The following ANXA13 variants were observed in gnomAD, a reference collection of about 807,000 sequenced individuals.
ANXA13 encodes the protein annexin A13, also known as annexin XIII.
A neutral mutation model predicts 46.6 loss-of-function variants in ANXA13; 36 were observed. That is an observed-to-expected ratio of 0.77 (90% CI 0.59 to 1.02). The LOEUF (loss-of-function observed/expected upper bound fraction) is 1.02, where lower values mean the gene tolerates loss of function less well. Ranked by LOEUF, ANXA13 falls within the 50% of genes least tolerant of loss-of-function variation. The pLI, the probability that ANXA13 is intolerant of heterozygous loss-of-function variation, is 0.00. For synonymous variants in ANXA13, 163 were observed against 152.9 expected, an observed-to-expected ratio of 1.07 and a Z score of -0.49; for missense variants, 417 against 396.5, an observed-to-expected ratio of 1.05 and a Z score of -0.44.
intron 1 of ANXA13, among the ~76,000 whole-genome samples, chr8:123,720,474 G>GT (rs1032875497): frequency 3.0e-4 from 45 of 150,800 alleles, no homozygotes; most frequent in African/African-American, 2.4e-4. Flanking sequence ...GCCTTGTATA[G>GT]TTTTTTTTTC....
intron 1 of ANXA13, among the ~76,000 whole-genome samples, chr8:123,721,440 C>T (rs565997394): frequency 6.6e-6 from 1 of 152,100 alleles, no homozygotes; most frequent in East Asian, 1.9e-4. Flanking sequence ...GTACCCACCT[C>T]GTATGGGTTG....
intron 2 of ANXA13, among the ~76,000 whole-genome samples, chr8:123,707,939 C>G (rs774662351): frequency 6.6e-6 from 1 of 152,082 alleles, no homozygotes; most frequent in African/African-American, 2.4e-5. Context: ...AGTCCTGAGA[C>G]GGCCCAGCAA....
intron 1 of ANXA13, among the ~76,000 whole-genome samples, chr8:123,723,382 G>A (rs150483060): frequency 6.6e-6 from 1 of 152,244 alleles, no homozygotes; most frequent in African/African-American, 2.4e-5. Context: ...GGGAAGAATC[G>A]AATTCTTCCA....
Position 123,712,677 on chromosome 8 carries a change from C to T in ANXA13, c.91+1G>A. The T allele has an allele frequency of 6.2e-7, 1 of 1,613,944 alleles. No homozygotes were observed. Among genetic ancestry groups the T allele is most frequent in the Non-Finnish European group, 8.5e-7 (1 of 1,179,774 alleles). ...AATTAGCAACAAAATATCTCTCATACCCATTCCTTTGCAGGCTTTGTTCAG... is the reference window on the plus strand; with the variant it reads ...AATTAGCAACAAAATATCTCTCATATCCATTCCTTTGCAGGCTTTGTTCAG... On this transcript the variant is annotated splice_donor_variant, in intron 2 of 10. Transcript: ENST00000419625. LOFTEE classifies it high-confidence loss of function.
At chr8:123,697,120 G>T (rs1813354625) in intron 4 of ANXA13, among the ~76,000 whole-genome samples, 2 of 152,164 alleles carry the variant, frequency 1.3e-5, no homozygotes, top group African/African-American at 4.8e-5. Flanking sequence ...ATGTTAGCCA[G>T]GCTGGTCTCA....
chr8:123,682,637 G>A lies in ANXA13; in HGVS notation c.832-1278C>T, dbSNP rs571102557. Among the ~76,000 whole-genome samples the A allele has an allele frequency of 2.6e-3, 394 of 152,282 alleles. 8 individuals are homozygous for A. Among genetic ancestry groups the A allele is most frequent in the South Asian group, 0.02 (94 of 4,820 alleles). On this transcript the variant is annotated intron_variant, in intron 10 of 10. Coordinates refer to ENST00000419625, the MANE Select transcript of ANXA13 (RefSeq NM_004306.4). ...CAGGTGGCAGACACTACAGGAGACA[G>A]GTGGTGTCTGTCTCTCCCCCAGCCT...
intron 1 of ANXA13, among the ~76,000 whole-genome samples, chr8:123,734,356 C>A (rs1814201236): frequency 6.6e-6 from 1 of 152,124 alleles, no homozygotes; most frequent in Admixed American, 6.5e-5. Context: ...CTGATCTGAT[C>A]TTTCTCTCTG....
rs545114189 is a variant in ANXA13, at chr8:123,689,878, C to T, written c.643-932G>A. ...AATAATTGGGGACTTTGAGTATGCA[C>T]CAGTGGAGTTTATGTGGTTTATTTT... On this transcript the variant is annotated intron_variant, in intron 8 of 10. Transcript: ENST00000419625. Among the ~76,000 whole-genome samples, 5 of 152,232 alleles carry T rather than the reference C, an allele frequency of 3.3e-5. No homozygotes were observed. In the South Asian group the frequency reaches 6.2e-4, roughly 19 times the overall value.
chr8:123,715,921 G>T (rs144157303), intron 1 of ANXA13, among the ~76,000 whole-genome samples: 1 of 152,250 alleles, frequency 6.6e-6, no homozygotes, highest in Non-Finnish European at 1.5e-5. Flanking sequence ...GGAGCTGAGG[G>T]GTGAGACAAA....
chr8:123,691,571 T>C (rs1423788217), intron 8 of ANXA13, among the ~76,000 whole-genome samples: 1 of 152,222 alleles, frequency 6.6e-6, no homozygotes, highest in Non-Finnish European at 1.5e-5. Flanking sequence ...TTATTAACCC[T>C]ATGAAGTAGG....
intron 3 of ANXA13, 35 bp from the exon 4 acceptor site, chr8:123,698,594 GC>G: frequency 6.2e-7 from 1 of 1,606,170 alleles, no homozygotes; most frequent in Non-Finnish European, 8.5e-7. Context: ...GCTGGGAATG[GC>G]CCAGGAGGAG....
Position 123,693,208 on chromosome 8 carries a change from C to G in ANXA13, c.631G>C (p.Ala211Pro). The change falls in exon 8 of 11, where the codon GCC (alanine) becomes CCC (proline). Residue 211 changes from alanine (A) to proline (P), a missense_variant. Ala to Pro is a conservative substitution (Grantham distance 27). Coordinates refer to ENST00000419625, the MANE Select transcript of ANXA13 (RefSeq NM_004306.4). Reference sequence around the variant, plus strand: ...ACTTTATGACTTACAATTTGATAGGCTTGAAAGGTGGCTCGTAACTGCTTG... The same window carrying G: ...ACTTTATGACTTACAATTTGATAGGGTTGAAAGGTGGCTCGTAACTGCTTG... ...SYKQLRATFQ[A>P]YQILIGKDIE... 6.2e-7 allele frequency: 1 copy of G among 1,614,078 alleles called. No individual in the cohort carries two copies.
At chr8:123,710,884 A>G (rs1477393598) in intron 2 of ANXA13, among the ~76,000 whole-genome samples, 1 of 152,242 alleles carries the variant, frequency 6.6e-6, no homozygotes, top group Non-Finnish European at 1.5e-5. Flanking sequence ...AAGAAAATCT[A>G]GGAAATTAAT....
chr8:123,705,465 A>G (rs1361973446), intron 2 of ANXA13, among the ~76,000 whole-genome samples: 1 of 152,172 alleles, frequency 6.6e-6, no homozygotes, highest in Non-Finnish European at 1.5e-5. Flanking sequence ...AGGCTTACTC[A>G]CCTAATCTCA....
In ANXA13 at chr8:123,702,626, C is replaced by T. The variant is rs1460317436; in HGVS notation, c.186+16G>A. On this transcript the variant is annotated intron_variant, in intron 3 of 10. Transcript: ENST00000419625. Reference sequence around the variant, plus strand: ...CCATGGCTGGGTGCAAGCTTGCTGACCACCCCTGGAATCACCTTGCCGTAC... The same window carrying T: ...CCATGGCTGGGTGCAAGCTTGCTGATCACCCCTGGAATCACCTTGCCGTAC... 2 of 1,610,550 alleles carry T rather than the reference C, an allele frequency of 1.2e-6. No homozygotes were observed. Among genetic ancestry groups the T allele is most frequent in the Non-Finnish European group, 1.7e-6 (2 of 1,176,928 alleles).
At chr8:123,726,755 C>A (rs1055938697) in intron 1 of ANXA13, among the ~76,000 whole-genome samples, 4 of 152,188 alleles carry the variant, frequency 2.6e-5, no homozygotes, top group Non-Finnish European at 5.9e-5. Context: ...CTTGCACATG[C>A]ATATTAATAG....
chr8:123,687,610 A>T (rs1214801994), intron 9 of ANXA13, among the ~76,000 whole-genome samples: 1 of 152,242 alleles, frequency 6.6e-6, no homozygotes, highest in Non-Finnish European at 1.5e-5. Flanking sequence ...GATTAAAAAA[A>T]AATCAATTGC....
At chr8:123,737,218 A>G (rs1586348456) in intron 1 of ANXA13, 102 bp downstream of exon 1, 1 of 1,165,674 alleles carries the variant, frequency 8.6e-7, no homozygotes, top group East Asian at 2.5e-5. Context: ...AAGGGTAACC[A>G]TAGTGATAAA....
intron 3 of ANXA13, among the ~76,000 whole-genome samples, chr8:123,701,725 G>A (rs763809256): frequency 2.0e-5 from 3 of 151,110 alleles, no homozygotes; most frequent in Admixed American, 1.3e-4. Context: ...AGACTTGGAT[G>A]TGAGACTTGG....
Sources: gnomAD v4.1 joint callset for allele counts (sites outside exome capture counted in the v4.1 genomes callset) on GRCh38, gnomAD v4.1.1 for gene constraint, MANE v1.5 for transcripts, NCBI Gene and HGNC (gene_info 2026-07-23, HGNC 2026-07-21) for gene names.